The following HNF4A variants were observed in gnomAD, a reference collection of about 807,000 sequenced individuals.
The protein encoded by HNF4A is hepatocyte nuclear factor 4-alpha.
HNF4A carries 15 observed loss-of-function variants against 52.4 expected under a neutral mutation model. The observed-to-expected ratio is 0.29, with a 90% CI of 0.19 to 0.44. The LOEUF is 0.44. HNF4A is among the 20% of genes least tolerant of loss of function. The pLI is 1.00. For missense variants in HNF4A, 479 were observed against 647.2 expected (o/e 0.74, Z 2.82); for synonymous variants, 280 against 264.4 (o/e 1.06, Z -0.57).
intron 1 of HNF4A, among the ~76,000 whole-genome samples, chr20:44,368,160 A>ATATATATATATTT (rs1200638153): frequency 1.1e-4 from 3 of 27,778 alleles, no homozygotes; most frequent in African/African-American, 2.9e-4. Context: ...ATATATATAT[A>ATATATATATATTT]TTTTTTTTTT....
rs141146246 is a variant in HNF4A at position 44,376,965 on chromosome 20, C to T, written c.49+21112C>T. ...CTGTAATTCCAACACTTTGGGAGGC[C>T]GAGGCAAGTAGATCACTTAAGCCCA... is the stretch of plus-strand genomic sequence containing the variant. On this transcript the variant is annotated intron_variant, in intron 1 of 9. Transcript: ENST00000316673. 8.7e-3 allele frequency among the ~76,000 whole-genome samples: 1,323 copies of T among 151,800 alleles called. 25 individuals are homozygous for T. The highest frequency in any genetic ancestry group is 0.031 in the African/African-American group (1,275 of 41,392).
chr20:44,372,996 C>G (rs1415553993), intron 1 of HNF4A: 4 of 152,208 alleles, frequency 2.6e-5, no homozygotes, highest in African/African-American at 7.2e-5. Context: ...CTCTCTGATC[C>G]TCAGTCTCCT....
At chr20:44,426,142 G>A (rs933237133) in intron 8 of HNF4A, among the ~76,000 whole-genome samples, 2 of 152,184 alleles carry the variant, frequency 1.3e-5, no homozygotes, top group Non-Finnish European at 2.9e-5. Context: ...GAAAACCAGG[G>A]CAATTCCAGA....
At chr20:44,361,470 A>G (rs2062915942) in intron 1 of HNF4A, among the ~76,000 whole-genome samples, 1 of 152,180 alleles carries the variant, frequency 6.6e-6, no homozygotes, top group Non-Finnish European at 1.5e-5. Context: ...ATGGTATTTA[A>G]GACATTTTGT....
intron 1 of HNF4A, among the ~76,000 whole-genome samples, chr20:44,377,367 T>C (rs1436912093): frequency 1.3e-5 from 2 of 152,194 alleles, no homozygotes; most frequent in Non-Finnish European, 1.5e-5. Flanking sequence ...AATTCATTCA[T>C]ACTGGAAACC....
At chr20:44,395,417 T>G (rs1025540707) in intron 1 of HNF4A, 3 of 152,358 alleles carry the variant, frequency 2.0e-5, no homozygotes, top group Non-Finnish European at 4.4e-5. Flanking sequence ...GAGTGGCATT[T>G]TAGGAGCTCA....
intron 1 of HNF4A, among the ~76,000 whole-genome samples, chr20:44,381,062 T>C (rs1164418631): frequency 6.6e-6 from 1 of 151,982 alleles, no homozygotes. Flanking sequence ...TCTAACCCAC[T>C]GGAATCCTCT....
rs372010271 is a variant in HNF4A at position 44,386,130 on chromosome 20, C to G, written c.50-19928C>G. Among the ~76,000 whole-genome samples, 268 of 143,394 alleles carry G rather than the reference C, an allele frequency of 1.9e-3. 7 individuals carry two copies. The East Asian group carries it at 0.056, about 30-fold the overall frequency. 94.1% of individuals were successfully genotyped at this position (143,394 alleles called of 152,430 possible). A position where few individuals can be genotyped will look rare whatever the true frequency, so the allele number is the denominator to read the frequency against. ...CCTCCCAAAGTGCTGGGATTACAGG[C>G]GTGAGCCACCGTGCCCAGCCACCAT... On this transcript the variant is annotated intron_variant, in intron 1 of 9. Coordinates refer to the HNF4A transcript ENST00000316673.
intron 9 of HNF4A, 99 bp from the exon 10 acceptor site, chr20:44,429,423 TG>T: frequency 8.1e-7 from 1 of 1,236,650 alleles, no homozygotes; most frequent in Non-Finnish European, 1.2e-6. Flanking sequence ...TAAGTCAAGG[TG>T]GGGCAGGGTG....
chr20:44,414,795 G>A (rs527601951), intron 5 of HNF4A, 133 bp downstream of exon 5: 19 of 835,214 alleles, frequency 2.3e-5, no homozygotes, highest in Middle Eastern at 3.1e-4. Context: ...GTGCACACAC[G>A]TGTCTGAAAC....
chr20:44,358,874 T>C (rs2062888463), intron 1 of HNF4A, among the ~76,000 whole-genome samples: 1 of 152,124 alleles, frequency 6.6e-6, no homozygotes, highest in Non-Finnish European at 1.5e-5. Flanking sequence ...TGTGGTTTCA[T>C]GTTTTTGAGC....
chr20:44,371,623 G>A (rs866548856), intron 1 of HNF4A, among the ~76,000 whole-genome samples: 1 of 152,044 alleles, frequency 6.6e-6, no homozygotes, highest in African/African-American at 2.4e-5. Flanking sequence ...TCAGGAATTC[G>A]AGATCAGCTT....
At chr20:44,392,621 G>A (rs577230325) in intron 1 of HNF4A, among the ~76,000 whole-genome samples, 107 of 152,272 alleles carry the variant, frequency 7.0e-4, no homozygotes, top group Non-Finnish European at 1.2e-3. Flanking sequence ...TAGGATTATA[G>A]GTGTAAGCCA....
chr20:44,381,728 A>C (rs777416196), intron 1 of HNF4A, among the ~76,000 whole-genome samples: 2 of 152,126 alleles, frequency 1.3e-5, no homozygotes, highest in Non-Finnish European at 2.9e-5. Flanking sequence ...CTTGTGCCTC[A>C]GCCTCCCAAG....
chr20:44,370,880 G>A (rs527578502), intron 1 of HNF4A, among the ~76,000 whole-genome samples: 8 of 152,316 alleles, frequency 5.3e-5, no homozygotes, highest in African/African-American at 1.9e-4. Flanking sequence ...CCATGGGCCT[G>A]GCTGAGCCTG....
At chr20:44,396,314 C>T (rs2063352864), upstream of HNF4A, among the ~76,000 whole-genome samples, 1 of 152,168 alleles carries the variant, frequency 6.6e-6, no homozygotes, top group Non-Finnish European at 1.5e-5. Context: ...AGGGCTAGCA[C>T]AAAATTTCTC....
At chr20:44,355,999 T>C (rs960998767) in intron 1 of HNF4A, 146 bp downstream of exon 1, 1 of 701,148 alleles carries the variant, frequency 1.4e-6, no homozygotes, top group Non-Finnish European at 2.4e-6. Context: ...GGAGGCAATG[T>C]GACCGCTTCC....
At chr20:44,364,004 T>C (rs542994446) in intron 1 of HNF4A, among the ~76,000 whole-genome samples, 31 of 152,194 alleles carry the variant, frequency 2.0e-4, no homozygotes, top group African/African-American at 7.2e-4. Context: ...TTTCCTCTTT[T>C]GAGAAATGGA....
intron 1 of HNF4A, among the ~76,000 whole-genome samples, chr20:44,379,730 C>T (rs930449575): frequency 9.1e-5 from 10 of 109,546 alleles, no homozygotes; most frequent in African/African-American, 3.3e-4. Flanking sequence ...TTTTCTTTTC[C>T]TTTTTTTTTT....
Sources: allele counts gnomAD v4.1 joint callset (sites outside exome capture counted in the v4.1 genomes callset), GRCh38; gene constraint gnomAD v4.1.1; transcripts MANE v1.5; gene names NCBI Gene and HGNC (gene_info 2026-07-23, HGNC 2026-07-21).